DHX57: variants seen among roughly 807,000 people sequenced by gnomAD.
The protein encoded by DHX57 is putative ATP-dependent RNA helicase DHX57.
Under a neutral mutation model 156.2 loss-of-function variants are expected in DHX57, and 105 were observed. The ratio of observed to expected loss-of-function variants is 0.67; its 90% CI spans 0.57 to 0.79. DHX57 has a LOEUF of 0.79. Among genes scored for constraint, DHX57 ranks in the 30% least tolerant of loss-of-function variants. The pLI is 0.00. For synonymous variants in DHX57, 704 were observed against 595.6 expected (o/e 1.18, Z -2.65); for missense variants, 1,847 against 1,661.9 (o/e 1.11, Z -1.94).
intron 1 of DHX57, 146 bp from the exon 2 acceptor site, chr2:38,868,557 G>T: frequency 1.1e-6 from 1 of 876,772 alleles, no homozygotes; most frequent in Non-Finnish European, 1.7e-6. Context: ...GCAGGATTCT[G>T]AATCTGTTCC....
At chr2:38,866,252 A>T (rs2124942940) in intron 2 of DHX57, among the ~76,000 whole-genome samples, 2 of 152,280 alleles carry the variant, frequency 1.3e-5, no homozygotes. Flanking sequence ...AGTCCTATAC[A>T]GTCTGGTCTT....
chr2:38,846,057 G>A (rs1242089550), intron 11 of DHX57, among the ~76,000 whole-genome samples: 1 of 151,798 alleles, frequency 6.6e-6, no homozygotes, highest in East Asian at 1.9e-4. Flanking sequence ...GTAGAGACAG[G>A]GTTTCACCAT....
chr2:38,803,143 T>G lies in DHX57; in HGVS notation c.3817-228A>C. On this transcript the variant is annotated intron_variant, in intron 22 of 23. Transcript: ENST00000457308. ...GTGTTTAAAAAAAAAAAAGCTTTTA[T>G]TTTTTAAATTTTTTCGTAGAGATAG... 7.9e-6 allele frequency: 4 copies of G among 505,576 alleles called. No homozygotes were observed. The South Asian group carries it at 9.3e-5, about 12-fold the overall frequency. 31.3% of individuals were successfully genotyped at this position (505,576 alleles called of 1,614,324 possible).
At chr2:38,811,921 C>CTTTTTCT (rs984376234) in intron 21 of DHX57, among the ~76,000 whole-genome samples, 2 of 152,144 alleles carry the variant, frequency 1.3e-5, no homozygotes, top group Non-Finnish European at 2.9e-5. Context: ...TCCCCACATT[C>CTTTTTCT]TTTTTCTTTT....
At chr2:38,811,062 C>T in intron 21 of DHX57, 4 of 624,468 alleles carry the variant, frequency 6.4e-6, no homozygotes, top group South Asian at 2.9e-5. Flanking sequence ...ATGTAGAGAC[C>T]TGAAGGTGGT....
rs184616050 is a variant in DHX57, at chr2:38,831,866, A to G, written c.2543-3430T>C. 3.1e-3 allele frequency among the ~76,000 whole-genome samples: 473 copies of G among 151,698 alleles called. 5 individuals are homozygous for G. Among genetic ancestry groups the G allele is most frequent in the Middle Eastern group, 3.4e-3 (1 of 294 alleles). On this transcript the variant is annotated intron_variant, in intron 13 of 23. Transcript: ENST00000457308. The stretch of plus-strand genomic sequence containing the variant: ...TCTCAAAAAAAAAAAAAAAATTACA[A>G]AAATTAGCTGGGGGACATGGTGGTG...
At chr2:38,860,556 A>G (rs1673141069) in intron 5 of DHX57, among the ~76,000 whole-genome samples, 2 of 152,256 alleles carry the variant, frequency 1.3e-5, no homozygotes, top group East Asian at 1.9e-4. Context: ...CTATCCCTAA[A>G]GAATTCTGGG....
At chr2:38,799,276 G>T (rs1022261797) in intron 23 of DHX57, among the ~76,000 whole-genome samples, 2 of 151,730 alleles carry the variant, frequency 1.3e-5, no homozygotes, top group East Asian at 1.9e-4. Context: ...TAAGGCAGGA[G>T]AATCGCTTGA....
intron 12 of DHX57, chr2:38,838,849 C>T (rs761908528): frequency 2.2e-6 from 1 of 452,708 alleles, no homozygotes; most frequent in South Asian, 1.6e-5. Context: ...AATCTCCCCA[C>T]TCACAATCTC....
chr2:38,834,593 A>T (rs1671558937), intron 13 of DHX57, among the ~76,000 whole-genome samples: 1 of 152,120 alleles, frequency 6.6e-6, no homozygotes, highest in South Asian at 2.1e-4. Flanking sequence ...TGCATTTTTC[A>T]TTGTGTTTAG....
At chr2:38,848,166 G>C in intron 10 of DHX57, 103 bp downstream of exon 10, 2 of 1,163,570 alleles carry the variant, frequency 1.7e-6, no homozygotes, top group Non-Finnish European at 2.3e-6. Flanking sequence ...TAAATGAATC[G>C]CTTCTCTAGA....
At chr2:38,833,625 A>G (rs1320455532) in intron 13 of DHX57, among the ~76,000 whole-genome samples, 1 of 152,228 alleles carries the variant, frequency 6.6e-6, no homozygotes, top group African/African-American at 2.4e-5. Context: ...GGATGGGAAG[A>G]CAGTGAGTAA....
chr2:38,813,050 G>C (rs1320831156), intron 21 of DHX57, among the ~76,000 whole-genome samples: 2 of 151,772 alleles, frequency 1.3e-5, no homozygotes, highest in Non-Finnish European at 2.9e-5. Context: ...GTTTCACCAT[G>C]TTAGCCAGGA....
At chr2:38,870,024 G>T (rs182818557) in intron 1 of DHX57, among the ~76,000 whole-genome samples, 2 of 152,114 alleles carry the variant, frequency 1.3e-5, no homozygotes, top group East Asian at 3.9e-4. Flanking sequence ...TATATAAAAA[G>T]AACCAAATGG....
chr2:38,837,376 C>A (rs929049637), intron 13 of DHX57, among the ~76,000 whole-genome samples: 1 of 151,708 alleles, frequency 6.6e-6, no homozygotes, highest in Non-Finnish European at 1.5e-5. Flanking sequence ...TTTGGGAGGC[C>A]GAGGCAGGCG....
chr2:38,843,439 T>C (rs564621575), intron 11 of DHX57, among the ~76,000 whole-genome samples: 24 of 152,354 alleles, frequency 1.6e-4, no homozygotes, highest in Non-Finnish European at 2.5e-4. Context: ...AGAAAAGCTC[T>C]ATCCAGGAAT....
chr2:38,815,417 G>A (rs1347714758), intron 20 of DHX57, 104 bp downstream of exon 20: 6 of 1,462,292 alleles, frequency 4.1e-6, no homozygotes, highest in Non-Finnish European at 5.6e-6. Context: ...TTAACCCACT[G>A]CTCAAAGGCT....
chr2:38,875,722 A>C (rs1665582835), intron 1 of DHX57, 65 bp downstream of exon 1: 1 of 261,036 alleles, frequency 3.8e-6, no homozygotes, highest in African/African-American at 2.2e-5. Flanking sequence ...CACACTGACA[A>C]ACAGGGTGAC....
chr2:38,868,649 T>A (rs1170879840), intron 1 of DHX57, among the ~76,000 whole-genome samples: 3 of 152,202 alleles, frequency 2.0e-5, no homozygotes, highest in Non-Finnish European at 2.9e-5. Context: ...AAAAGATTTA[T>A]AAGCACTTCT....
Sources: allele counts gnomAD v4.1 joint callset (sites outside exome capture counted in the v4.1 genomes callset), GRCh38; gene constraint gnomAD v4.1.1; transcripts MANE v1.5; gene names NCBI Gene and HGNC (gene_info 2026-07-23, HGNC 2026-07-21).